CNTN4: variants seen among roughly 807,000 people sequenced by gnomAD.
CNTN4 encodes contactin-4.
Under a neutral mutation model 122.5 loss-of-function variants are expected in CNTN4, and 77 were observed. The ratio of observed to expected loss-of-function variants is 0.63; its 90% CI spans 0.52 to 0.76. The LOEUF (loss-of-function observed/expected upper bound fraction) is 0.76, where lower values mean the gene tolerates loss of function less well. Ranked by LOEUF, CNTN4 falls within the 30% of genes least tolerant of loss-of-function variation. The probability of loss-of-function intolerance (pLI) is 0.00; values close to 1 mark genes in which losing one functional copy is unlikely to be tolerated. For synonymous variants in CNTN4, 512 were observed against 447.0 expected (o/e 1.15, Z -1.83); for missense variants, 1,256 against 1,259.1 (o/e 1.00, Z 0.04).
At chr3:2,275,331 C>A (rs192946998) in intron 2 of CNTN4, among the ~76,000 whole-genome samples, 2 of 152,130 alleles carry the variant, frequency 1.3e-5, no homozygotes, top group African/African-American at 2.4e-5. Flanking sequence ...ATGGAGAATA[C>A]GTGATTTATG....
intron 2 of CNTN4, among the ~76,000 whole-genome samples, chr3:2,314,531 C>T (rs2043025985): frequency 6.6e-6 from 1 of 151,710 alleles, no homozygotes; most frequent in Non-Finnish European, 1.5e-5. Context: ...TAGGGCAAAT[C>T]ATTATCTCCC....
intron 10 of CNTN4, among the ~76,000 whole-genome samples, chr3:2,891,570 AG>A (rs1297785966): frequency 6.6e-6 from 1 of 152,218 alleles, no homozygotes; most frequent in Non-Finnish European, 1.5e-5. Context: ...CAAAACCTAA[AG>A]GATGAAAATG....
intron 13 of CNTN4, among the ~76,000 whole-genome samples, chr3:2,931,624 GTTTA>G (rs777364988): frequency 1.3e-5 from 2 of 151,960 alleles, no homozygotes; most frequent in African/African-American, 2.4e-5. Context: ...ACTTTTAATT[GTTTA>G]TTTATTTATT....
chr3:2,901,629 C>T (rs2151138574), intron 11 of CNTN4, among the ~76,000 whole-genome samples: 1 of 152,286 alleles, frequency 6.6e-6, no homozygotes, highest in South Asian at 2.1e-4. Context: ...TACCAAAATG[C>T]CAGGGAGTTG....
intron 4 of CNTN4, among the ~76,000 whole-genome samples, chr3:2,574,198 A>AGAGCC (rs1421583160): frequency 6.6e-6 from 1 of 152,166 alleles, no homozygotes; most frequent in African/African-American, 2.4e-5. Flanking sequence ...CCTGGGCAAC[A>AGAGCC]AGAGTGAAAC....
At chr3:2,890,178 C>T (rs922506283) in intron 10 of CNTN4, among the ~76,000 whole-genome samples, 1 of 152,200 alleles carries the variant, frequency 6.6e-6, no homozygotes, top group African/African-American at 2.4e-5. Context: ...CCTCATCTAG[C>T]ACATCAGTGA....
intron 6 of CNTN4, among the ~76,000 whole-genome samples, chr3:2,766,406 C>G (rs994843985): frequency 2.0e-5 from 3 of 152,162 alleles, no homozygotes; most frequent in Non-Finnish European, 2.9e-5. Flanking sequence ...TGGAATACCA[C>G]TCAACCATAA....
At chr3:2,653,855 G>A (rs566059083) in intron 4 of CNTN4, among the ~76,000 whole-genome samples, 3 of 152,230 alleles carry the variant, frequency 2.0e-5, no homozygotes, top group Admixed American at 6.5e-5. Context: ...TGACCAGTTC[G>A]TCTCTACCAA....
intron 3 of CNTN4, among the ~76,000 whole-genome samples, chr3:2,531,492 T>C (rs762296546): frequency 3.9e-5 from 6 of 152,188 alleles, no homozygotes; most frequent in Non-Finnish European, 8.8e-5. Flanking sequence ...TCCAAGCTGT[T>C]ACCCCTAGCT....
chr3:3,057,215 C>G lies in CNTN4; in HGVS notation c.*995C>G, dbSNP rs1474646506. 1 of 152,434 alleles carries G rather than the reference C, an allele frequency of 6.6e-6. No individual in the cohort carries two copies. Among genetic ancestry groups the G allele is most frequent in the African/African-American group, 2.4e-5 (1 of 41,404 alleles). 9.4% of individuals were successfully genotyped at this position (152,434 alleles called of 1,614,324 possible). A position where few individuals can be genotyped will look rare whatever the true frequency, so the allele number is the denominator to read the frequency against. On this transcript the variant is annotated 3_prime_UTR_variant, in exon 25 of 25. Coordinates refer to ENST00000418658, the MANE Select transcript of CNTN4 (RefSeq NM_175607.3). ...AATTTCTTATATATAATATGTGTATCTCTGTAATAATAGAGCCCTTCTTTT... is the reference window on the plus strand; with the variant it reads ...AATTTCTTATATATAATATGTGTATGTCTGTAATAATAGAGCCCTTCTTTT...
intron 3 of CNTN4, among the ~76,000 whole-genome samples, chr3:2,553,909 G>A (rs1163919567): frequency 6.6e-6 from 1 of 152,134 alleles, no homozygotes; most frequent in Admixed American, 6.6e-5. Flanking sequence ...TAGTTTAACT[G>A]TATGAATTAA....
At chr3:2,405,171 G>A (rs1461499257) in intron 3 of CNTN4, among the ~76,000 whole-genome samples, 4 of 152,072 alleles carry the variant, frequency 2.6e-5, no homozygotes, top group East Asian at 1.9e-4. Context: ...CAGAGCAGGG[G>A]CAGGAATTGT....
At chr3:2,239,138 A>G (rs1575149105) in intron 2 of CNTN4, 1 of 152,186 alleles carries the variant, frequency 6.6e-6, no homozygotes, top group Middle Eastern at 3.4e-3. Context: ...TTTAGTGCAT[A>G]TATCATATAC....
chr3:2,182,683 T>A (rs764144917), intron 2 of CNTN4, among the ~76,000 whole-genome samples: 34 of 152,154 alleles, frequency 2.2e-4, no homozygotes, highest in Non-Finnish European at 4.1e-4. Flanking sequence ...ATTGTAACAT[T>A]AATAAAGTAA....
chr3:3,006,469 C>T (rs1033508073), intron 14 of CNTN4, among the ~76,000 whole-genome samples: 16 of 152,104 alleles, frequency 1.1e-4, no homozygotes, highest in African/African-American at 1.2e-4. Flanking sequence ...GGTCCCTTTG[C>T]GATTTTTGAA....
intron 13 of CNTN4, among the ~76,000 whole-genome samples, chr3:2,987,236 G>A (rs1042190802): frequency 6.1e-5 from 9 of 147,682 alleles, no homozygotes; most frequent in Admixed American, 5.3e-4. Context: ...GAACAAAACA[G>A]TAAGCAAGAG....
chr3:2,929,738 A>G (rs1166825138), intron 13 of CNTN4, among the ~76,000 whole-genome samples: 3 of 152,168 alleles, frequency 2.0e-5, no homozygotes, highest in African/African-American at 2.4e-5. Flanking sequence ...TTTCCAATGT[A>G]TCGCAATGTC....
At chr3:2,382,014 C>G (rs569461293) in intron 3 of CNTN4, among the ~76,000 whole-genome samples, 2 of 152,156 alleles carry the variant, frequency 1.3e-5, no homozygotes, top group East Asian at 3.9e-4. Flanking sequence ...CATTCACACA[C>G]AAAAAATAAT....
intron 13 of CNTN4, among the ~76,000 whole-genome samples, chr3:2,956,054 TAGA>T (rs1194894243): frequency 1.3e-5 from 2 of 152,156 alleles, no homozygotes; most frequent in African/African-American, 4.8e-5. Context: ...TGTCTATTGA[TAGA>T]AGAATAAATA....
Sources: gnomAD v4.1 joint callset for allele counts (sites outside exome capture counted in the v4.1 genomes callset) on GRCh38, gnomAD v4.1.1 for gene constraint, MANE v1.5 for transcripts, NCBI Gene and HGNC (gene_info 2026-07-23, HGNC 2026-07-21) for gene names.